CYTH3: variants seen among roughly 807,000 people sequenced by gnomAD.
CYTH3 encodes the protein cytohesin-3.
CYTH3 carries 23 observed loss-of-function variants against 55.1 expected under a neutral mutation model. That is an observed-to-expected ratio of 0.42 (90% CI 0.30 to 0.59). The LOEUF is 0.59. Among genes scored for constraint, CYTH3 ranks in the 20% least tolerant of loss-of-function variants. The pLI, the probability that CYTH3 is intolerant of heterozygous loss-of-function variation, is 0.20. For synonymous variants in CYTH3, 249 were observed against 194.9 expected (o/e 1.28, Z -2.31); for missense variants, 413 against 524.8 (o/e 0.79, Z 2.08).
intron 1 of CYTH3, among the ~76,000 whole-genome samples, chr7:6,260,284 C>T (rs1450085554): frequency 3.3e-5 from 5 of 152,098 alleles, no homozygotes; most frequent in Non-Finnish European, 5.9e-5. Flanking sequence ...CTATATCTAC[C>T]TCTCCCAAAG....
chr7:6,260,428 T>G (rs1265749028), intron 1 of CYTH3, among the ~76,000 whole-genome samples: 1 of 151,998 alleles, frequency 6.6e-6, no homozygotes, highest in Non-Finnish European at 1.5e-5. Context: ...CTTCCCTCAC[T>G]GAGCTCCAGC....
chr7:6,180,568 T>C (rs1351204216), intron 4 of CYTH3, among the ~76,000 whole-genome samples: 1 of 152,206 alleles, frequency 6.6e-6, no homozygotes, highest in Admixed American at 6.5e-5. Context: ...CACACCCCGA[T>C]CTCGGACTTC....
intron 1 of CYTH3, among the ~76,000 whole-genome samples, chr7:6,227,517 A>G (rs1779287013): frequency 6.6e-6 from 1 of 152,230 alleles, no homozygotes; most frequent in Non-Finnish European, 1.5e-5. Context: ...GACCTCTGGC[A>G]GAAACCTACA....
At chr7:6,220,515 A>G (rs1784527267) in intron 1 of CYTH3, among the ~76,000 whole-genome samples, 1 of 151,638 alleles carries the variant, frequency 6.6e-6, no homozygotes, top group African/African-American at 2.4e-5. Flanking sequence ...TGCTCTGCAA[A>G]GCATTAAAAG....
At chr7:6,165,706 G>A in intron 10 of CYTH3, 28 bp downstream of exon 10, 1 of 1,613,812 alleles carries the variant, frequency 6.2e-7, no homozygotes, top group Non-Finnish European at 8.5e-7. Context: ...CTGCTGGGAG[G>A]CGGCAAGGAG....
At chr7:6,269,697 A>G (rs1469679660) in intron 1 of CYTH3, among the ~76,000 whole-genome samples, 1 of 152,176 alleles carries the variant, frequency 6.6e-6, no homozygotes. Context: ...GTGTTCTTGT[A>G]ATCTTGTGCC....
At chr7:6,241,664 C>T (rs922523665) in intron 1 of CYTH3, among the ~76,000 whole-genome samples, 1 of 151,900 alleles carries the variant, frequency 6.6e-6, no homozygotes, top group African/African-American at 2.4e-5. Context: ...CAATAAGGTA[C>T]TGGATAAATA....
At chr7:6,246,991 A>G (rs1355208392) in intron 1 of CYTH3, among the ~76,000 whole-genome samples, 2 of 152,224 alleles carry the variant, frequency 1.3e-5, no homozygotes, top group African/African-American at 4.8e-5. Context: ...AAATTTACAG[A>G]AGGCATACAG....
intron 1 of CYTH3, among the ~76,000 whole-genome samples, chr7:6,194,768 A>T (rs940526008): frequency 6.6e-6 from 1 of 152,188 alleles, no homozygotes; most frequent in Admixed American, 6.5e-5. Flanking sequence ...TGACGTCAAG[A>T]GATCGAGAGC....
chr7:6,246,415 T>C (rs1231169688), intron 1 of CYTH3, among the ~76,000 whole-genome samples: 2 of 152,076 alleles, frequency 1.3e-5, no homozygotes, highest in Admixed American at 6.6e-5. Flanking sequence ...CCAAATACCA[T>C]AGAATTTTTG....
chr7:6,204,933 G>T (rs553175976), intron 1 of CYTH3, among the ~76,000 whole-genome samples: 2 of 152,350 alleles, frequency 1.3e-5, no homozygotes, highest in Admixed American at 1.3e-4. Flanking sequence ...GGGAGGCTGA[G>T]GTGGGTGGAT....
At chr7:6,177,439 T>C (rs1467578953) in intron 5 of CYTH3, among the ~76,000 whole-genome samples, 5 of 152,240 alleles carry the variant, frequency 3.3e-5, no homozygotes, top group African/African-American at 4.8e-5. Context: ...TCCACCTTTA[T>C]TCATACTGCA....
In CYTH3 at chr7:6,191,119, T is replaced by C. The variant is rs1783793842; in HGVS notation, c.35-588A>G. On this transcript the variant is annotated intron_variant, in intron 1 of 12. Transcript: ENST00000350796. ...AAAAAGAATGAGCTAAGTCTATCAA[T>C]ATGGATGAGTCTCACAAATAAAATG... Among the ~76,000 whole-genome samples, 4 of 150,432 alleles carry C rather than the reference T, an allele frequency of 2.7e-5. No individual in the cohort carries two copies. The South Asian group carries it at 6.3e-4, about 24-fold the overall frequency.
In CYTH3 at chr7:6,190,573, T is replaced by C. The variant is rs773399014; in HGVS notation, c.35-42A>G. ...ATAATTAACTACTTTGGAGAACACA[T>C]TGGCAACATCCAGCAAGGTTGAGGT... On this transcript the variant is annotated intron_variant, in intron 1 of 12. Transcript: ENST00000350796. 49 of 1,458,264 alleles carry C rather than the reference T, an allele frequency of 3.4e-5. No individual in the cohort carries two copies. In the Middle Eastern group the frequency reaches 5.2e-4, roughly 16 times the overall value. 90.3% of individuals were successfully genotyped at this position (1,458,264 alleles called of 1,614,324 possible). A position where few individuals can be genotyped will look rare whatever the true frequency, so the allele number is the denominator to read the frequency against.
intron 1 of CYTH3, among the ~76,000 whole-genome samples, chr7:6,196,467 T>C (rs1371708151): frequency 6.7e-6 from 1 of 149,622 alleles, no homozygotes; most frequent in Non-Finnish European, 1.5e-5. Context: ...TTTTTTTTTT[T>C]TTTTTTTTTG....
At chr7:6,165,067 C>G (rs1392731485) in intron 12 of CYTH3, 51 bp from the exon 13 acceptor site, 3 of 1,609,186 alleles carry the variant, frequency 1.9e-6, no homozygotes, top group Non-Finnish European at 2.6e-6. Context: ...ACACACAGAC[C>G]TCCCCTTTCC....
chr7:6,213,912 T>C (rs1010590778), intron 1 of CYTH3, among the ~76,000 whole-genome samples: 2 of 152,156 alleles, frequency 1.3e-5, no homozygotes, highest in Non-Finnish European at 2.9e-5. Context: ...CTCAGCCACA[T>C]AACGCATCAG....
intron 1 of CYTH3, among the ~76,000 whole-genome samples, chr7:6,233,749 TCTAA>T (rs1297153658): frequency 2.0e-5 from 3 of 152,202 alleles, no homozygotes; most frequent in Admixed American, 2.0e-4. Flanking sequence ...GTCCCATCTT[TCTAA>T]CTGTCTTGGT....
intron 1 of CYTH3, among the ~76,000 whole-genome samples, chr7:6,232,663 C>T (rs959547403): frequency 6.6e-6 from 1 of 152,180 alleles, no homozygotes; most frequent in East Asian, 1.9e-4. Context: ...GTGGCTGCAG[C>T]AGCAGCCACT....
Sources: gnomAD v4.1 joint callset for allele counts (sites outside exome capture counted in the v4.1 genomes callset) on GRCh38, gnomAD v4.1.1 for gene constraint, MANE v1.5 for transcripts, NCBI Gene and HGNC (gene_info 2026-07-23, HGNC 2026-07-21) for gene names.